The following GGT1 variants were observed in gnomAD, a reference collection of about 807,000 sequenced individuals.
GGT1 encodes the protein glutathione hydrolase 1 proenzyme.
A neutral mutation model predicts 56.0 loss-of-function variants in GGT1; 21 were observed. That is an observed-to-expected ratio of 0.38 (90% CI 0.27 to 0.54). The LOEUF (loss-of-function observed/expected upper bound fraction) is 0.54, where lower values mean the gene tolerates loss of function less well. GGT1 is among the 20% of genes least tolerant of loss of function. The pLI is 0.82. For synonymous variants in GGT1, 238 were observed against 342.6 expected, an observed-to-expected ratio of 0.69 and a Z score of 3.37; for missense variants, 466 against 787.0, an observed-to-expected ratio of 0.59 and a Z score of 4.88.
intron 1 of GGT1, among the ~76,000 whole-genome samples, chr22:24,595,990 G>T (rs913210745): frequency 2.6e-5 from 4 of 152,238 alleles, no homozygotes; most frequent in African/African-American, 9.6e-5. Context: ...GGGGGCATTC[G>T]CTAGGAGGAA....
chr22:24,621,199 G>T, intron 9 of GGT1, 129 bp downstream of exon 9: 1 of 1,466,148 alleles, frequency 6.8e-7, no homozygotes, highest in Non-Finnish European at 9.1e-7. Flanking sequence ...GAGGGTCAGT[G>T]ACTGGCCATG....
At chr22:24,596,627 C>T (rs974315220) in intron 1 of GGT1, among the ~76,000 whole-genome samples, 4 of 151,702 alleles carry the variant, frequency 2.6e-5, no homozygotes, top group Non-Finnish European at 5.9e-5. Flanking sequence ...TGCCTGGGTG[C>T]GGTGGCTCAC....
At chr22:24,587,907 T>C in the GGT1 span, among the ~76,000 whole-genome samples, 2 of 151,734 alleles carry the variant, frequency 1.3e-5, no homozygotes, top group Admixed American at 6.6e-5. Flanking sequence ...TCACCTTGGC[T>C]GTTGGGTGGA....
rs1027785438 is a variant in GGT1 at position 24,620,586 on chromosome 22, G to A, written c.575+66G>A. On this transcript the variant is annotated intron_variant, in intron 8 of 15. Transcript: ENST00000400382. The surrounding 1 kb of genome is among the most constrained non-coding windows in gnomAD (Gnocchi z 5.6). ...GCACAGCCCAAGGACCTTGCAGGCC[G>A]TAGCAGCAGTGGAGCAGCCCTCTGC... 213 of 1,607,480 alleles carry A rather than the reference G, an allele frequency of 1.3e-4. No individual in the cohort carries two copies. The highest frequency in any genetic ancestry group is 2.3e-4 in the Middle Eastern group (1 of 4,426).
intron 5 of GGT1, among the ~76,000 whole-genome samples, chr22:24,612,244 CTTT>C (rs796939700): frequency 0.037 from 2,778 of 75,344 alleles, 84 homozygotes; most frequent in African/African-American, 0.099. Context: ...CCGGCTTATT[CTTT>C]TTTTTTTTTT....
intron 7 of GGT1, among the ~76,000 whole-genome samples, chr22:24,616,593 G>GGAGT (rs965721343): frequency 1.4e-5 from 2 of 143,076 alleles, no homozygotes; most frequent in African/African-American, 5.3e-5. Context: ...CGCCCAGGCT[G>GGAGT]GAGTGCAGTG....
the GGT1 span, chr22:24,585,536 G>T: frequency 7.6e-5 from 24 of 317,438 alleles, no homozygotes; most frequent in Non-Finnish European, 3.0e-5. Context: ...TGTGACCTTT[G>T]TCCCACCCTT....
the GGT1 span, chr22:24,589,434 C>T: frequency 3.2e-5 from 31 of 954,260 alleles, no homozygotes; most frequent in East Asian, 4.2e-4. Flanking sequence ...CGGCTCTCTT[C>T]TGGCCCAGGA....
At position 24,605,493 on chromosome 22, in the gene GGT1, T is replaced by C. The variant is rs1471791949; in HGVS notation, c.-429+1966T>C. 8.9e-5 allele frequency among the ~76,000 whole-genome samples: 5 copies of C among 55,872 alleles called. 2 individuals are homozygous for C. Among genetic ancestry groups the C allele is most frequent in the African/African-American group, 8.7e-4 (5 of 5,740 alleles). 36.7% of individuals were successfully genotyped at this position (55,872 alleles called of 152,430 possible). The stretch of plus-strand genomic sequence containing the variant: ...ATATTATATAATGTGTATTATATAT[T>C]ATATAATATTATATAATGTGTATTA... On this transcript the variant is annotated intron_variant, in intron 1 of 15. Coordinates refer to ENST00000400382, the MANE Select transcript of GGT1 (RefSeq NM_001288833.2).
intron 1 of GGT1, among the ~76,000 whole-genome samples, chr22:24,603,886 C>T (rs1226289605): frequency 6.6e-6 from 1 of 151,886 alleles, no homozygotes; most frequent in Non-Finnish European, 1.5e-5. Context: ...GGGGCAGGGC[C>T]GGTTGTGCGA....
At chr22:24,588,769 GTTC>G in the GGT1 span, 103 of 1,027,412 alleles carry the variant, frequency 1.0e-4, no homozygotes, top group Middle Eastern at 1.5e-3. Context: ...AGGTCAGCGT[GTTC>G]TTCTTCCTCT....
At chr22:24,623,981 C>A (rs2047589854) in intron 11 of GGT1, 65 bp downstream of exon 11, 1 of 1,601,250 alleles carries the variant, frequency 6.2e-7, no homozygotes, top group South Asian at 1.1e-5. Context: ...GGTGGGCTCC[C>A]CAGGGTGGCT....
At chr22:24,598,816 G>A (rs61346045), upstream of GGT1, among the ~76,000 whole-genome samples, 1 of 152,168 alleles carries the variant, frequency 6.6e-6, no homozygotes, top group African/African-American at 2.4e-5. Context: ...CCCTCCCAAA[G>A]CGCTGGGATT....
At chr22:24,626,878 A>C in intron 11 of GGT1, among the ~76,000 whole-genome samples, 2 of 147,562 alleles carry the variant, frequency 1.4e-5, no homozygotes, top group Non-Finnish European at 3.0e-5. Context: ...CACTCCATTC[A>C]CTCTCTGCCT....
At chr22:24,589,715 C>T in the GGT1 span, 1 of 1,326,184 alleles carries the variant, frequency 7.5e-7, no homozygotes, top group Non-Finnish European at 1.0e-6. Context: ...TAAGGCCACA[C>T]AGCAAGCCGC....
At chr22:24,618,066 A>AT (rs1319088941) in intron 7 of GGT1, among the ~76,000 whole-genome samples, 3 of 151,628 alleles carry the variant, frequency 2.0e-5, no homozygotes, top group Admixed American at 2.0e-4. Context: ...TCAGGAGAAG[A>AT]TTTTTTTTCT....
intron 5 of GGT1, among the ~76,000 whole-genome samples, chr22:24,613,521 G>A (rs1240961878): frequency 4.6e-5 from 7 of 152,098 alleles, no homozygotes; most frequent in Admixed American, 2.6e-4. Context: ...AGGTTGAGGC[G>A]GGCAGACCAC....
At chr22:24,626,311 G>T (rs1407880512) in intron 11 of GGT1, among the ~76,000 whole-genome samples, 1 of 134,388 alleles carries the variant, frequency 7.4e-6, no homozygotes, top group Admixed American at 7.7e-5. Context: ...ACCGCGCCCG[G>T]TGTTGAAACT....
chr22:24,599,178 T>C (rs2045742669), upstream of GGT1: 1 of 152,150 alleles, frequency 6.6e-6, no homozygotes, highest in African/African-American at 2.4e-5. Flanking sequence ...GCACTGTGGA[T>C]ACTGTGGAGG....
Sources: allele counts gnomAD v4.1 joint callset (sites outside exome capture counted in the v4.1 genomes callset), GRCh38; gene constraint gnomAD v4.1.1; non-coding constraint Gnocchi (gnomAD v3.1); transcripts MANE v1.5; gene names NCBI Gene and HGNC (gene_info 2026-07-23, HGNC 2026-07-21).